TENM1: variants seen among roughly 807,000 people sequenced by gnomAD.
TENM1 encodes teneurin transmembrane protein 1.
Under a neutral mutation model 174.8 loss-of-function variants are expected in TENM1, and 35 were observed. The ratio of observed to expected loss-of-function variants is 0.20; its 90% CI spans 0.15 to 0.27. The LOEUF is 0.27. Among genes scored for constraint, TENM1 ranks in the 10% least tolerant of loss-of-function variants. TENM1 has a pLI of 1.00. For synonymous variants in TENM1, 781 were observed against 798.7 expected (o/e 0.98, Z 0.37); for missense variants, 1,633 against 2,130.1 (o/e 0.77, Z 4.59).
chrX:124,950,038 C>A (rs187767628), intron 1 of TENM1, among the ~76,000 whole-genome samples: 159 of 110,674 alleles, frequency 1.4e-3, no homozygotes, highest in African/African-American at 4.8e-3. Flanking sequence ...GGAAAGCCAT[C>A]CTTGAGGCAC....
chrX:125,004,516 C>T, the TENM1 span, among the ~76,000 whole-genome samples: 1 of 112,059 alleles, frequency 8.9e-6, no homozygotes, highest in Non-Finnish European at 1.9e-5. Flanking sequence ...CAATCCCATA[C>T]ACTGTTCTAT....
chrX:125,039,099 C>T, the TENM1 span, among the ~76,000 whole-genome samples: 50 of 111,412 alleles, frequency 4.5e-4, no homozygotes, highest in African/African-American at 1.5e-3. Context: ...GCTAATTTAT[C>T]ACATCTCTAT....
At chrX:124,406,922 C>T (rs1042901136) in intron 25 of TENM1, among the ~76,000 whole-genome samples, 1 of 111,531 alleles carries the variant, frequency 9.0e-6, no homozygotes, top group Non-Finnish European at 1.9e-5. Context: ...AGCCAATATA[C>T]TGACTTTGGG....
chrX:124,504,958 C>T (rs1161653270), intron 18 of TENM1, among the ~76,000 whole-genome samples: 3 of 112,003 alleles, frequency 2.7e-5, no homozygotes, highest in African/African-American at 6.5e-5. Context: ...CCTGTAATCA[C>T]AAATATCCAA....
chrX:124,521,542 C>T (rs1199599609), intron 17 of TENM1, among the ~76,000 whole-genome samples: 1 of 112,020 alleles, frequency 8.9e-6, no homozygotes, highest in African/African-American at 3.2e-5. Flanking sequence ...AGTAAAAATA[C>T]CATGTGGCTT....
At chrX:125,137,197 C>T in the TENM1 span, among the ~76,000 whole-genome samples, 2 of 110,924 alleles carry the variant, frequency 1.8e-5, no homozygotes, top group Non-Finnish European at 1.9e-5. Flanking sequence ...TCTTGGCACA[C>T]AGTGTGTACC....
the TENM1 span, among the ~76,000 whole-genome samples, chrX:125,103,002 T>C: frequency 1.6e-4 from 18 of 112,122 alleles, no homozygotes; most frequent in Non-Finnish European, 2.6e-4. Flanking sequence ...AACTAAAAAG[T>C]ATCCACGATG....
chrX:124,397,588 T>C (rs1392216095), intron 27 of TENM1, among the ~76,000 whole-genome samples: 2 of 111,263 alleles, frequency 1.8e-5, no homozygotes, highest in Non-Finnish European at 3.8e-5. Context: ...ATCCTGCATT[T>C]AATTTTTTTG....
At chrX:124,665,787 G>T (rs56994167) in intron 6 of TENM1, among the ~76,000 whole-genome samples, 1 of 112,181 alleles carries the variant, frequency 8.9e-6, no homozygotes, top group Non-Finnish European at 1.9e-5. Context: ...GGAAGGGAAC[G>T]GGAGTTTTGC....
At chrX:124,469,196 G>T (rs146270530) in intron 22 of TENM1, among the ~76,000 whole-genome samples, 3 of 112,233 alleles carry the variant, frequency 2.7e-5, no homozygotes, top group Admixed American at 1.9e-4. Flanking sequence ...AAATTTGAAT[G>T]CAGTCAAACA....
intron 3 of TENM1, among the ~76,000 whole-genome samples, chrX:124,783,605 T>TA (rs1349881603): frequency 3.6e-5 from 4 of 111,594 alleles, no homozygotes; most frequent in African/African-American, 1.3e-4. Flanking sequence ...CAAAATTCAA[T>TA]AAAAAAATCG....
At chrX:124,672,154 C>T (rs1204375922) in intron 5 of TENM1, among the ~76,000 whole-genome samples, 1 of 111,375 alleles carries the variant, frequency 9.0e-6, no homozygotes. Flanking sequence ...TTTCCATTCC[C>T]CTTAGTCATG....
chrX:124,755,184 C>T (rs1474015453), intron 3 of TENM1, among the ~76,000 whole-genome samples: 3 of 104,967 alleles, frequency 2.9e-5, no homozygotes, highest in African/African-American at 1.1e-4. Flanking sequence ...GTATTGGGTG[C>T]ATATATATTT....
the TENM1 span, among the ~76,000 whole-genome samples, chrX:125,097,729 T>C: frequency 8.9e-6 from 1 of 112,336 alleles, no homozygotes; most frequent in Non-Finnish European, 1.9e-5. Context: ...AGTTACATGA[T>C]TGCACAGATC....
chrX:124,978,694 G>C, the TENM1 span, among the ~76,000 whole-genome samples: 4 of 111,760 alleles, frequency 3.6e-5, no homozygotes, highest in African/African-American at 1.3e-4. Flanking sequence ...ATTGCGCAGA[G>C]GTTGTGCTCA....
At chrX:124,586,677 G>A (rs1379559912) in intron 11 of TENM1, among the ~76,000 whole-genome samples, 69 of 106,578 alleles carry the variant, frequency 6.5e-4, no homozygotes, top group Non-Finnish European at 1.1e-3. Context: ...AGTGTTGGAA[G>A]TTCTGGCCAG....
intron 3 of TENM1, among the ~76,000 whole-genome samples, chrX:124,813,127 C>T (rs1376842290): frequency 9.0e-6 from 1 of 111,010 alleles, no homozygotes; most frequent in Non-Finnish European, 1.9e-5. Context: ...ACCAACAATC[C>T]AACATAGTAA....
chrX:124,737,094 C>A lies in TENM1; in HGVS notation c.639G>T (p.Ala213=), dbSNP rs745707687. The A allele has an allele frequency of 6.6e-6, 8 of 1,208,586 alleles. No homozygotes were observed. Among genetic ancestry groups the A allele is most frequent in the Non-Finnish European group, 8.9e-6 (8 of 894,907 alleles). Residue 213 remains alanine (A), a synonymous_variant, in exon 4 of 32, where the codon GCG becomes GCT. Transcript: ENST00000422452. ...TCATTGATCTCCTCTGAAGAGAGTC[C>A]GCTGCAGGGGGTGGCTTCCTGGCAC... is the stretch of plus-strand genomic sequence containing the variant.
At chrX:124,807,912 C>T (rs1029367499) in intron 3 of TENM1, among the ~76,000 whole-genome samples, 1 of 109,721 alleles carries the variant, frequency 9.1e-6, no homozygotes, top group Non-Finnish European at 1.9e-5. Context: ...CACACACACA[C>T]ACACACAGAG....
Sources: allele counts gnomAD v4.1 joint callset (sites outside exome capture counted in the v4.1 genomes callset), GRCh38; gene constraint gnomAD v4.1.1; transcripts MANE v1.5; gene names NCBI Gene and HGNC (gene_info 2026-07-23, HGNC 2026-07-21).